Variants in GRIN2B observed in about 807,000 individuals in gnomAD.
The protein encoded by GRIN2B is glutamate ionotropic receptor NMDA type subunit 2B.
In GRIN2B, 5 loss-of-function variants were observed where a neutral mutation model predicts 114.5. The observed-to-expected ratio is 0.04, with a 90% CI of 0.02 to 0.09. The LOEUF is 0.09. Ranked by LOEUF, GRIN2B falls within the 10% of genes least tolerant of loss-of-function variation. GRIN2B has a pLI of 1.00. For synonymous variants in GRIN2B, 787 were observed against 745.1 expected, an observed-to-expected ratio of 1.06 and a Z score of -0.92; for missense variants, 1,108 against 1,943.5, an observed-to-expected ratio of 0.57 and a Z score of 8.08.
intron 4 of GRIN2B, among the ~76,000 whole-genome samples, chr12:13,737,044 A>AAAAAG (rs1555129607): frequency 6.9e-6 from 1 of 145,732 alleles, no homozygotes; most frequent in African/African-American, 2.5e-5. Flanking sequence ...AAAAAAAAAA[A>AAAAAG]AAGAAGAAGA....
intron 3 of GRIN2B, among the ~76,000 whole-genome samples, chr12:13,782,778 C>T (rs1402243802): frequency 2.0e-5 from 3 of 152,178 alleles, no homozygotes; most frequent in African/African-American, 7.2e-5. Context: ...TTTTTATCTC[C>T]CCATCACACT....
chr12:13,716,944 T>C (rs1297085700), intron 4 of GRIN2B, among the ~76,000 whole-genome samples: 1 of 151,950 alleles, frequency 6.6e-6, no homozygotes, highest in East Asian at 1.9e-4. Context: ...TATAGAAAAC[T>C]ACTAAATTTT....
intron 2 of GRIN2B, among the ~76,000 whole-genome samples, chr12:13,929,048 G>A (rs1375519271): frequency 2.6e-5 from 4 of 152,150 alleles, no homozygotes. Flanking sequence ...AAAATATTAA[G>A]AAACATGTTC....
At chr12:13,627,705 T>A (rs1197523537) in intron 5 of GRIN2B, among the ~76,000 whole-genome samples, 2 of 152,210 alleles carry the variant, frequency 1.3e-5, no homozygotes, top group African/African-American at 4.8e-5. Context: ...GTTGTTTGGT[T>A]AGTGACCTGT....
rs1447415469 is a variant in GRIN2B at position 13,918,046 on chromosome 12, G to A, written c.-18-51820C>T. On this transcript the variant is annotated intron_variant, in intron 2 of 13. Coordinates refer to ENST00000609686, the MANE Select transcript of GRIN2B (RefSeq NM_000834.5). Reference sequence around the variant, plus strand: ...TCAGGTCCCCAGAAACTGGAACCAAGTAGGGCAGCACTGTGAAAAAAGCCC... The same window carrying A: ...TCAGGTCCCCAGAAACTGGAACCAAATAGGGCAGCACTGTGAAAAAAGCCC... 2.0e-5 allele frequency among the ~76,000 whole-genome samples: 3 copies of A among 152,250 alleles called. No individual in the cohort carries two copies. The East Asian group carries it at 5.8e-4, about 30-fold the overall frequency.
chr12:13,671,612 C>T (rs1324773713), intron 5 of GRIN2B, among the ~76,000 whole-genome samples: 1 of 152,114 alleles, frequency 6.6e-6, no homozygotes, highest in East Asian at 1.9e-4. Flanking sequence ...CAAGTCCTTC[C>T]CTGGCACTGG....
intron 4 of GRIN2B, among the ~76,000 whole-genome samples, chr12:13,713,529 C>A (rs1440712213): frequency 6.6e-6 from 1 of 151,896 alleles, no homozygotes; most frequent in East Asian, 1.9e-4. Flanking sequence ...CATAAAAGAG[C>A]AGCCATGAAA....
intron 3 of GRIN2B, among the ~76,000 whole-genome samples, chr12:13,758,257 C>G (rs1407183251): frequency 6.6e-6 from 1 of 152,196 alleles, no homozygotes; most frequent in Non-Finnish European, 1.5e-5. Context: ...TCCCTTCCCA[C>G]TCATGGTGCT....
intron 4 of GRIN2B, among the ~76,000 whole-genome samples, chr12:13,697,475 T>C (rs2136564775): frequency 6.6e-6 from 1 of 152,290 alleles, no homozygotes; most frequent in East Asian, 1.9e-4. Context: ...TCTTATCCCC[T>C]GTTCTCTCTT....
chr12:13,720,274 C>T (rs1446484989), intron 4 of GRIN2B, among the ~76,000 whole-genome samples: 1 of 151,980 alleles, frequency 6.6e-6, no homozygotes, highest in Non-Finnish European at 1.5e-5. Flanking sequence ...CAGTCTTTTT[C>T]TTACATCCCC....
chr12:13,782,537 A>AG (rs1255063349), intron 3 of GRIN2B, among the ~76,000 whole-genome samples: 317 of 152,334 alleles, frequency 2.1e-3, no homozygotes, highest in African/African-American at 7.2e-3. Flanking sequence ...TTGAAACTAC[A>AG]ATAAAATACA....
intron 4 of GRIN2B, among the ~76,000 whole-genome samples, chr12:13,708,905 A>C (rs754810523): frequency 6.6e-6 from 1 of 152,058 alleles, no homozygotes; most frequent in Non-Finnish European, 1.5e-5. Flanking sequence ...ACATAGAACA[A>C]AGATCCTTGC....
At chr12:13,903,952 G>C (rs1255388457) in intron 2 of GRIN2B, among the ~76,000 whole-genome samples, 1 of 151,922 alleles carries the variant, frequency 6.6e-6, no homozygotes, top group Non-Finnish European at 1.5e-5. Flanking sequence ...CAATCTGTCT[G>C]AAGTCTATTT....
Position 13,563,693 on chromosome 12 carries a change from C to G in GRIN2B, c.3545G>C (p.Gly1182Ala). Residue 1182 changes from glycine (G) to alanine (A), a missense_variant, in exon 14 of 14, where the codon GGG (glycine) becomes GCG (alanine). Physicochemically the swap from Gly to Ala is moderately conservative, Grantham distance 60 (BLOSUM62 0). Transcript: ENST00000609686. ...GACCACGCCGTGTTTGTCGCCCGTC[C>G]CGTGCTTGATGTGAGACCTGTTGGT... is the stretch of plus-strand genomic sequence containing the variant. ...PCTNRSHIKH[G>A]TGDKHGVVSG... 1 of 1,613,616 alleles carries G rather than the reference C, an allele frequency of 6.2e-7. No homozygotes were observed. Among genetic ancestry groups the G allele is most frequent in the Non-Finnish European group, 8.5e-7 (1 of 1,179,984 alleles).
chr12:13,900,424 G>C (rs1866426657), intron 2 of GRIN2B, among the ~76,000 whole-genome samples: 1 of 151,536 alleles, frequency 6.6e-6, no homozygotes, highest in Non-Finnish European at 1.5e-5. Context: ...GCAGTGAGCA[G>C]AGATCACGCC....
intron 5 of GRIN2B, among the ~76,000 whole-genome samples, chr12:13,652,438 C>G (rs894784336): frequency 3.9e-5 from 6 of 151,940 alleles, no homozygotes; most frequent in African/African-American, 7.2e-5. Flanking sequence ...AACATTTGAA[C>G]TGAGCCTTCA....
At chr12:13,844,842 T>G (rs1591763690) in intron 3 of GRIN2B, among the ~76,000 whole-genome samples, 1 of 152,176 alleles carries the variant, frequency 6.6e-6, no homozygotes, top group Admixed American at 6.5e-5. Flanking sequence ...CTTTGAAAAC[T>G]GTAAAACATC....
rs560489569 is a variant in GRIN2B at position 13,971,271 on chromosome 12, G to A, written c.-19+8657C>T. Among the ~76,000 whole-genome samples, 5 of 152,324 alleles carry A rather than the reference G, an allele frequency of 3.3e-5. No homozygotes were observed. In the South Asian group the frequency reaches 6.2e-4, roughly 19 times the overall value. Reference sequence around the variant, plus strand: ...CTATTAGCAGCTGTCCAAAAGAGAAGTAGTGTTTTTATTCTTTTATAGTTT... The same window carrying A: ...CTATTAGCAGCTGTCCAAAAGAGAAATAGTGTTTTTATTCTTTTATAGTTT... On this transcript the variant is annotated intron_variant, in intron 2 of 13. Transcript: ENST00000609686.
At chr12:13,599,665 TCTC>T (rs1949127734) in intron 10 of GRIN2B, among the ~76,000 whole-genome samples, 1 of 152,212 alleles carries the variant, frequency 6.6e-6, no homozygotes, top group African/African-American at 2.4e-5. Flanking sequence ...GTTGGGGAAC[TCTC>T]CTATTTTATG....
Sources: allele counts gnomAD v4.1 joint callset (sites outside exome capture counted in the v4.1 genomes callset), GRCh38; gene constraint gnomAD v4.1.1; transcripts MANE v1.5; gene names NCBI Gene and HGNC (gene_info 2026-07-23, HGNC 2026-07-21).